The following ST3GAL2 variants were observed in gnomAD, a reference collection of about 807,000 sequenced individuals.
ST3GAL2 encodes the protein CMP-N-acetylneuraminate-beta-galactosamide-alpha-2,3-sialyltransferase 2.
Under a neutral mutation model 37.5 loss-of-function variants are expected in ST3GAL2, and 16 were observed. The ratio of observed to expected loss-of-function variants is 0.43; its 90% CI spans 0.29 to 0.65. ST3GAL2 has a LOEUF of 0.65. ST3GAL2 is among the 30% of genes least tolerant of loss of function. The probability of loss-of-function intolerance (pLI) is 0.17; values close to 1 mark genes in which losing one functional copy is unlikely to be tolerated. For synonymous variants in ST3GAL2, 238 were observed against 202.9 expected, an observed-to-expected ratio of 1.17 and a Z score of -1.47; for missense variants, 383 against 487.8, an observed-to-expected ratio of 0.79 and a Z score of 2.02.
intron 3 of ST3GAL2, among the ~76,000 whole-genome samples, chr16:70,392,154 A>G (rs1265583114): frequency 6.6e-6 from 1 of 152,074 alleles, no homozygotes; most frequent in Non-Finnish European, 1.5e-5. Context: ...TCATTTCCCC[A>G]TGGTTGGCCA....
At chr16:70,431,742 T>A (rs1486107662) in intron 1 of ST3GAL2, among the ~76,000 whole-genome samples, 1 of 151,362 alleles carries the variant, frequency 6.6e-6, no homozygotes, top group Non-Finnish European at 1.5e-5. Flanking sequence ...GGCGGGCAGA[T>A]CACGAGGTCA....
At chr16:70,398,002 A>G (rs2047528626) in intron 2 of ST3GAL2, among the ~76,000 whole-genome samples, 190 bp downstream of exon 2, 1 of 152,180 alleles carries the variant, frequency 6.6e-6, no homozygotes, top group Non-Finnish European at 1.5e-5. Flanking sequence ...CGGGTCCTAC[A>G]GGCACTAGAA....
chr16:70,377,926 C>T lies in ST3GAL2; in HGVS notation c.*3763G>A, dbSNP rs2047361814. 6.6e-6 allele frequency: 1 copy of T among 152,142 alleles called. No individual in the cohort carries two copies. The highest frequency in any genetic ancestry group is 1.5e-5 in the Non-Finnish European group (1 of 68,038). 9.4% of individuals were successfully genotyped at this position (152,142 alleles called of 1,614,324 possible). The stretch of plus-strand genomic sequence containing the variant: ...GGTGTCTAGTAAGTACAAGATGAAA[C>T]ATCACTTACCTAACTTCCCTTCCCA... On this transcript the variant is annotated 3_prime_UTR_variant, in exon 7 of 7. Transcript: ENST00000342907.
At chr16:70,384,189 G>A (rs2047425688) in intron 4 of ST3GAL2, among the ~76,000 whole-genome samples, 3 of 152,112 alleles carry the variant, frequency 2.0e-5, no homozygotes, top group African/African-American at 7.2e-5. Context: ...ACATGGTGAT[G>A]ATACCCAAAA....
chr16:70,437,153 G>A (rs995798548), intron 1 of ST3GAL2, among the ~76,000 whole-genome samples: 4 of 152,174 alleles, frequency 2.6e-5, no homozygotes, highest in African/African-American at 4.8e-5. Flanking sequence ...AGCCATCAGC[G>A]TGCCACAGCA....
At chr16:70,383,875 T>TG (rs979526664) in intron 4 of ST3GAL2, among the ~76,000 whole-genome samples, 2 of 151,400 alleles carry the variant, frequency 1.3e-5, no homozygotes, top group African/African-American at 4.9e-5. Context: ...CAGCAAGCGA[T>TG]GGGGCCTTCC....
At chr16:70,425,892 T>C (rs897477407) in intron 1 of ST3GAL2, among the ~76,000 whole-genome samples, 1 of 152,196 alleles carries the variant, frequency 6.6e-6, no homozygotes, top group Non-Finnish European at 1.5e-5. Flanking sequence ...TGGCCAGGAC[T>C]GAAGTCCTTC....
rs551089199 is a variant in ST3GAL2 at position 70,382,651 on chromosome 16, A to G, written c.879+154T>C. Among the ~76,000 whole-genome samples, 233 of 152,312 alleles carry G rather than the reference A, an allele frequency of 1.5e-3. 2 individuals are homozygous for G. The highest frequency in any genetic ancestry group is 0.014 in the Middle Eastern group (4 of 294). On this transcript the variant is annotated intron_variant, in intron 6 of 6. Transcript: ENST00000342907. ...GAAAGCAGAAACGTTTGGGAAAGGCATATCTATACTTTACAGCCTAGAGAT... is the reference window on the plus strand; with the variant it reads ...GAAAGCAGAAACGTTTGGGAAAGGCGTATCTATACTTTACAGCCTAGAGAT...
At chr16:70,387,829 G>C (rs2047453121) in intron 4 of ST3GAL2, among the ~76,000 whole-genome samples, 2 of 151,960 alleles carry the variant, frequency 1.3e-5, no homozygotes, top group African/African-American at 4.8e-5. Context: ...AAACCAGATG[G>C]TCTGGCCGGG....
rs560200633 is a variant in ST3GAL2 at position 70,398,447 on chromosome 16, G to T, written c.84C>A (p.His28Gln). The T allele has an allele frequency of 6.2e-7, 1 of 1,613,678 alleles. No individual in the cohort carries two copies. Among genetic ancestry groups the T allele is most frequent in the Non-Finnish European group, 8.5e-7 (1 of 1,180,004 alleles). The change falls in exon 2 of 7, where the codon CAC (histidine) becomes CAA (glutamine). Residue 28 changes from histidine (H) to glutamine (Q), a missense_variant. Transcript: ENST00000342907. ...GGTAGGGGAGCGTGGCCATGCTGTG[G>T]TGCGAGTAGGTGAAGAGCAGGGACA... is the stretch of plus-strand genomic sequence containing the variant. Reference protein sequence around the residue: ...FIMSLLFTYSHHSMATLPYLD... With the variant: ...FIMSLLFTYSQHSMATLPYLD...
chr16:70,384,164 T>C (rs1232537672), intron 4 of ST3GAL2, among the ~76,000 whole-genome samples: 3 of 152,188 alleles, frequency 2.0e-5, no homozygotes, highest in Admixed American at 2.0e-4. Flanking sequence ...CTCATTACTT[T>C]TGTGTTTATA....
intron 1 of ST3GAL2, among the ~76,000 whole-genome samples, chr16:70,410,173 G>C (rs1435755304): frequency 8.1e-6 from 1 of 123,802 alleles, no homozygotes; most frequent in Admixed American, 8.1e-5. Context: ...TCAGTATTTT[G>C]TCTACTATTT....
At chr16:70,408,886 G>A (rs1366667405) in intron 1 of ST3GAL2, among the ~76,000 whole-genome samples, 2 of 15,428 alleles carry the variant, frequency 1.3e-4, no homozygotes, top group African/African-American at 2.9e-4. Context: ...ACAGCTCAAA[G>A]AAACAAAAAA....
intron 3 of ST3GAL2, among the ~76,000 whole-genome samples, chr16:70,393,275 A>C (rs997061405): frequency 2.0e-5 from 3 of 152,054 alleles, no homozygotes; most frequent in African/African-American, 7.2e-5. Context: ...ACAGGGTTTC[A>C]CAATGTTGTC....
chr16:70,420,024 C>CTTTTT (rs58254114), intron 1 of ST3GAL2, among the ~76,000 whole-genome samples: 3 of 131,538 alleles, frequency 2.3e-5, no homozygotes, highest in Admixed American at 7.9e-5. Flanking sequence ...CCCCCCTTCC[C>CTTTTT]TTTTTTTTTT....
At chr16:70,404,472 A>C (rs1337690112) in intron 1 of ST3GAL2, among the ~76,000 whole-genome samples, 1 of 152,154 alleles carries the variant, frequency 6.6e-6, no homozygotes, top group Non-Finnish European at 1.5e-5. Flanking sequence ...CATCAGGGAA[A>C]TGCAAATCAA....
At chr16:70,411,933 G>T (rs2047641194) in intron 1 of ST3GAL2, among the ~76,000 whole-genome samples, 1 of 151,752 alleles carries the variant, frequency 6.6e-6, no homozygotes, top group African/African-American at 2.4e-5. Context: ...GGCAGAGGTT[G>T]CGGTGAGCCG....
intron 4 of ST3GAL2, among the ~76,000 whole-genome samples, chr16:70,386,331 G>C (rs1196182089): frequency 2.0e-5 from 3 of 152,138 alleles, no homozygotes; most frequent in African/African-American, 4.8e-5. Context: ...GGGACTACAG[G>C]TGCCTGCCAC....
chr16:70,382,938 G>A lies in ST3GAL2; in HGVS notation c.760-14C>T, dbSNP rs762680129. 3 of 1,611,726 alleles carry A rather than the reference G, an allele frequency of 1.9e-6. No individual in the cohort carries two copies. The highest frequency in any genetic ancestry group is 2.5e-6 in the Non-Finnish European group (3 of 1,178,928). ...GTAGATCTGGACCTGGGAGGAGAAG[G>A]GATGACAGGTATATGAGGGGTTTAG... On this transcript the variant is annotated splice_polypyrimidine_tract_variant and intron_variant, in intron 5 of 6. Transcript: ENST00000342907.
Sources: gnomAD v4.1 joint callset for allele counts (sites outside exome capture counted in the v4.1 genomes callset) on GRCh38, gnomAD v4.1.1 for gene constraint, MANE v1.5 for transcripts, NCBI Gene and HGNC (gene_info 2026-07-23, HGNC 2026-07-21) for gene names.